PRPF8: variants seen among roughly 807,000 people sequenced by gnomAD.
The protein encoded by PRPF8 is pre-mRNA-processing-splicing factor 8.
In PRPF8, 64 loss-of-function variants were observed where a neutral mutation model predicts 285.9. The observed-to-expected ratio is 0.22, with a 90% CI of 0.18 to 0.28. The LOEUF (loss-of-function observed/expected upper bound fraction) is 0.28. Among genes scored for constraint, PRPF8 ranks in the 10% least tolerant of loss-of-function variants. PRPF8 has a pLI of 1.00. For synonymous variants in PRPF8, 1,325 were observed against 1,118.2 expected, an observed-to-expected ratio of 1.18 and a Z score of -3.69; for missense variants, 1,426 against 3,026.7, an observed-to-expected ratio of 0.47 and a Z score of 12.41.
intron 24 of PRPF8, among the ~76,000 whole-genome samples, chr17:1,665,739 G>A (rs1447659167): frequency 6.0e-5 from 9 of 149,808 alleles, no homozygotes; most frequent in African/African-American, 1.7e-4. Context: ...CTAGCTACTC[G>A]GGAGACTGAG....
chr17:1,656,488 C>G lies in PRPF8; in HGVS notation c.5697G>C (p.Val1899=). The change falls in exon 36 of 43, where the codon GTG becomes GTC. Residue 1899 remains valine (V), a synonymous_variant. Transcript: ENST00000304992. The part of the protein sequence containing the change: ...LQLPFQACLK[V]EKFGDLILKA... ...TAAGGATGAGATCCCCGAATTTTTCCACCTTGAGACACGCCTGGAAAGGGA... is the reference window on the plus strand; with the variant it reads ...TAAGGATGAGATCCCCGAATTTTTCGACCTTGAGACACGCCTGGAAAGGGA... 2.5e-6 allele frequency: 4 copies of G among 1,614,152 alleles called. No individual in the cohort carries two copies. Among genetic ancestry groups the G allele is most frequent in the Non-Finnish European group, 2.5e-6 (3 of 1,180,036 alleles).
In PRPF8 at chr17:1,677,292, C is replaced by T; in HGVS notation, c.1985-120G>A. The T allele has an allele frequency of 5.3e-6, 6 of 1,123,162 alleles. No individual in the cohort carries two copies. In the East Asian group the frequency reaches 7.1e-5, roughly 13 times the overall value. 69.6% of individuals were successfully genotyped at this position (1,123,162 alleles called of 1,614,324 possible). ...ATAAAATTAGGTATTAACAAAGCGT[C>T]CCTGTGCCCAGCATATGCAAAAAGA... On this transcript the variant is annotated intron_variant, in intron 14 of 42. Transcript: ENST00000304992.
chr17:1,682,681 G>A (rs541600231), intron 3 of PRPF8, among the ~76,000 whole-genome samples: 49 of 152,290 alleles, frequency 3.2e-4, no homozygotes, highest in African/African-American at 9.4e-4. Flanking sequence ...GCAGAAAGGC[G>A]GAGATTGTTA....
At chr17:1,682,689 T>C (rs748193042) in intron 3 of PRPF8, among the ~76,000 whole-genome samples, 1 of 152,218 alleles carries the variant, frequency 6.6e-6, no homozygotes, top group Non-Finnish European at 1.5e-5. Context: ...GCGGAGATTG[T>C]TACCCTCTGC....
At position 1,668,312 on chromosome 17, in the gene PRPF8, T is replaced by G. The variant is rs866219584; in HGVS notation, c.3774+4769A>C. On this transcript the variant is annotated intron_variant, in intron 24 of 42. Transcript: ENST00000304992. The stretch of plus-strand genomic sequence containing the variant: ...CAGGCCAATGGCCTCTTCTGCTCTC[T>G]CTCCTCTCCCCTCTTCCAGTATCTC... Among the ~76,000 whole-genome samples the G allele has an allele frequency of 3.2e-4, 48 of 150,836 alleles. 1 individual carries two copies. In the Middle Eastern group the frequency reaches 0.01, roughly 32 times the overall value.
In PRPF8 at chr17:1,651,366, C is replaced by T. The variant is rs1349087663; in HGVS notation, c.6650+48G>A. The T allele has an allele frequency of 1.9e-6, 3 of 1,613,922 alleles. No individual in the cohort carries two copies. The highest frequency in any genetic ancestry group is 2.2e-5 in the East Asian group (1 of 44,880). ...TCAGGCCACTGTTCTGGGCCCTGGC[C>T]TGCAATCCCTGCCCCACCATACTTC... On this transcript the variant is annotated intron_variant, in intron 41 of 42. Transcript: ENST00000304992. This position sits in a 1 kb window ranked among gnomAD's most constrained non-coding sequence, Gnocchi z 5.1.
intron 2 of PRPF8, 136 bp downstream of exon 2, chr17:1,684,336 G>T: frequency 1.1e-6 from 1 of 903,554 alleles, no homozygotes; most frequent in Non-Finnish European, 1.8e-6. Flanking sequence ...AAAATGACTT[G>T]ATGAAAAATT....
chr17:1,654,395 C>T (rs1204299587), intron 37 of PRPF8: 1 of 391,892 alleles, frequency 2.6e-6, no homozygotes, highest in Non-Finnish European at 4.8e-6. Context: ...GCCACGATGA[C>T]AGGGAGGGAG....
Position 1,679,227 on chromosome 17 carries a change from G to T in PRPF8, c.1410-21C>A, listed in dbSNP as rs368039857. 6.2e-7 allele frequency: 1 copy of T among 1,614,112 alleles called. No individual in the cohort carries two copies. The highest frequency in any genetic ancestry group is 8.5e-7 in the Non-Finnish European group (1 of 1,180,052). ...AATACCTGAGGTGGGAACATGGAGA[G>T]TAAGAGTCAGCCTACTGATATCTCT... On this transcript the variant is annotated intron_variant, in intron 10 of 42. Transcript: ENST00000304992. This position sits in a 1 kb window ranked among gnomAD's most constrained non-coding sequence, Gnocchi z 4.7.
intron 4 of PRPF8, 43 bp downstream of exon 4, chr17:1,682,086 C>A (rs765260770): frequency 6.8e-7 from 1 of 1,481,304 alleles, no homozygotes; most frequent in Non-Finnish European, 9.3e-7. Context: ...TGCCTCCCAA[C>A]CACCACCACC....
intron 14 of PRPF8, 29 bp from the exon 15 acceptor site, chr17:1,677,201 C>T (rs377580626): frequency 5.0e-6 from 8 of 1,604,402 alleles, no homozygotes; most frequent in Admixed American, 3.3e-5. Context: ...AAGGGGATTA[C>T]AAGGAAGATT....
rs1280948076 is a variant in PRPF8 at position 1,676,257 on chromosome 17, A to G, written c.2502T>C (p.His834=). The change falls in exon 17 of 43, where the codon CAT becomes CAC. Residue 834 remains histidine (H), a synonymous_variant. Coordinates refer to ENST00000304992, the MANE Select transcript of PRPF8 (RefSeq NM_006445.4). The surrounding 1 kb of genome is among the most constrained non-coding windows in gnomAD (Gnocchi z 6.3). ...PIPFPPLSYK[H]DTKLLILALE... ...ATGCCAAGATGAGCAACTTGGTGTC[A>G]TGCTTATAGGAGAGTGGGGGGAATG... The G allele has an allele frequency of 1.9e-6, 3 of 1,613,868 alleles. No homozygotes were observed. The highest frequency in any genetic ancestry group is 2.5e-6 in the Non-Finnish European group (3 of 1,180,004).
At position 1,655,400 on chromosome 17, in the gene PRPF8, G is replaced by A. The variant is rs774881508; in HGVS notation, c.5937C>T (p.Val1979=). Residue 1979 remains valine (V), a synonymous_variant, in exon 37 of 43, where the codon GTC becomes GTT. Coordinates refer to ENST00000304992, the MANE Select transcript of PRPF8 (RefSeq NM_006445.4). ...PTLTDEEWIK[V]EVQLKDLILA... ...AGATCAGATCCTTGAGCTGCACCTC[G>A]ACCTTGATCCATTCTTCGTCAGTCA... The A allele has an allele frequency of 4.3e-6, 7 of 1,613,840 alleles. No homozygotes were observed. Among genetic ancestry groups the A allele is most frequent in the East Asian group, 2.2e-5 (1 of 44,892 alleles).
At chr17:1,668,057 G>A (rs528852471) in intron 24 of PRPF8, among the ~76,000 whole-genome samples, 12 of 152,300 alleles carry the variant, frequency 7.9e-5, no homozygotes, top group Admixed American at 3.3e-4. Flanking sequence ...TCTGACCTAG[G>A]TCCTATCAGT....
intron 24 of PRPF8, among the ~76,000 whole-genome samples, chr17:1,663,475 G>C (rs1911782685): frequency 6.6e-6 from 1 of 151,942 alleles, no homozygotes; most frequent in South Asian, 2.1e-4. Flanking sequence ...CACTCTGGGA[G>C]GCTGAGGCGG....
chr17:1,673,789 G>T lies in PRPF8; in HGVS notation c.3403C>A (p.Pro1135Thr). The T allele has an allele frequency of 1.9e-6, 3 of 1,614,100 alleles. No individual in the cohort carries two copies. Among genetic ancestry groups the T allele is most frequent in the Non-Finnish European group, 1.7e-6 (2 of 1,180,010 alleles). ...IVGYNNKKCW[P>T]RDARMRLMKH... is the part of the protein sequence containing the mutation. ...ATGAGGCGCATGCGGGCATCTCGGG[G>T]CCAGCACTTCTTGTTATTATAGCCA... is the stretch of plus-strand genomic sequence containing the variant. The change falls in exon 22 of 43, where the codon CCC becomes ACC. Residue 1135 changes from proline (P) to threonine (T), a missense_variant. Coordinates refer to ENST00000304992, the MANE Select transcript of PRPF8 (RefSeq NM_006445.4). The surrounding 1 kb of genome is among the most constrained non-coding windows in gnomAD (Gnocchi z 5.5).
At position 1,681,690 on chromosome 17, in the gene PRPF8, C is replaced by T. The variant is rs768419857; in HGVS notation, c.654G>A (p.Lys218=). Residue 218 remains lysine, a splice_region_variant and synonymous_variant, in exon 6 of 43, where the codon AAG becomes AAA. Coordinates refer to ENST00000304992, the MANE Select transcript of PRPF8 (RefSeq NM_006445.4). The part of the protein sequence containing the change: ...YDHQPLRDSR[K]YVNGSTYQRW... ...GCTGGTAAGTGGAGCCATTTACATA[C>T]CTAGGTAAAAAATGAAAGGCCCACC... 3 of 1,614,052 alleles carry T rather than the reference C, an allele frequency of 1.9e-6. No homozygotes were observed. Among genetic ancestry groups the T allele is most frequent in the African/African-American group, 1.3e-5 (1 of 75,024 alleles).
Position 1,658,784 on chromosome 17 carries a change from A to T in PRPF8, c.5139-21T>A. 1.9e-6 allele frequency: 3 copies of T among 1,605,162 alleles called. No individual in the cohort carries two copies. Among genetic ancestry groups the T allele is most frequent in the Non-Finnish European group, 2.6e-6 (3 of 1,171,824 alleles). On this transcript the variant is annotated intron_variant, in intron 32 of 42. Coordinates refer to ENST00000304992, the MANE Select transcript of PRPF8 (RefSeq NM_006445.4). The surrounding 1 kb of genome is among the most constrained non-coding windows in gnomAD (Gnocchi z 4.1). ...AGGCACTGTGAGGATAAAAGGGTCAAGAAAAGTTAAGACGAGAATGACAGC... is the reference window on the plus strand; with the variant it reads ...AGGCACTGTGAGGATAAAAGGGTCATGAAAAGTTAAGACGAGAATGACAGC...
Position 1,676,076 on chromosome 17 carries a change from G to A in PRPF8, c.2553-22C>T. 6.2e-7 allele frequency: 1 copy of A among 1,612,684 alleles called. No homozygotes were observed. Among genetic ancestry groups the A allele is most frequent in the Non-Finnish European group, 8.5e-7 (1 of 1,179,998 alleles). On this transcript the variant is annotated intron_variant, in intron 17 of 42. Coordinates refer to ENST00000304992, the MANE Select transcript of PRPF8 (RefSeq NM_006445.4). This position sits in a 1 kb window ranked among gnomAD's most constrained non-coding sequence, Gnocchi z 6.3. ...CACACTGACAAAAGCAATGGGAAGGGTGAATGGGAAAACTAGGAGGAAGTA... is the reference window on the plus strand; with the variant it reads ...CACACTGACAAAAGCAATGGGAAGGATGAATGGGAAAACTAGGAGGAAGTA...
Sources: allele counts gnomAD v4.1 joint callset (sites outside exome capture counted in the v4.1 genomes callset), GRCh38; gene constraint gnomAD v4.1.1; non-coding constraint Gnocchi (gnomAD v3.1); transcripts MANE v1.5; gene names NCBI Gene and HGNC (gene_info 2026-07-23, HGNC 2026-07-21).